Variants in RIMS1 observed in about 807,000 individuals in gnomAD.
RIMS1 encodes regulating synaptic membrane exocytosis 1.
In RIMS1, 83 loss-of-function variants were observed where a neutral mutation model predicts 214.1. The ratio of observed to expected loss-of-function variants is 0.39; its 90% CI spans 0.32 to 0.47. The LOEUF (loss-of-function observed/expected upper bound fraction) is 0.47, where lower values mean the gene tolerates loss of function less well. Among genes scored for constraint, RIMS1 ranks in the 20% least tolerant of loss-of-function variants. The pLI is 0.99. For missense variants in RIMS1, 2,050 were observed against 2,161.8 expected, an observed-to-expected ratio of 0.95 and a Z score of 1.03; for synonymous variants, 793 against 786.8, an observed-to-expected ratio of 1.01 and a Z score of -0.13.
intron 16 of RIMS1, among the ~76,000 whole-genome samples, chr6:72,253,651 C>T (rs2074456261): frequency 6.6e-6 from 1 of 151,692 alleles, no homozygotes; most frequent in Admixed American, 6.6e-5. Flanking sequence ...TATATATATG[C>T]CCTTGATATA....
Position 72,059,417 on chromosome 6 carries a change from C to T in RIMS1, c.246-37532C>T, listed in dbSNP as rs145630866. On this transcript the variant is annotated intron_variant, in intron 2 of 33. Coordinates refer to ENST00000521978, the MANE Select transcript of RIMS1 (RefSeq NM_014989.7). Reference sequence around the variant, plus strand: ...TAATTTTTTAAACTTTTTGTTGAGACGGGGTTTTGCCATGTTGCCTAGGCT... The same window carrying T: ...TAATTTTTTAAACTTTTTGTTGAGATGGGGTTTTGCCATGTTGCCTAGGCT... Among the ~76,000 whole-genome samples, 312 of 152,134 alleles carry T rather than the reference C, an allele frequency of 2.1e-3. 1 individual carries two copies. Among genetic ancestry groups the T allele is most frequent in the Middle Eastern group, 6.8e-3 (2 of 294 alleles).
chr6:71,961,006 A>G (rs376392732), intron 1 of RIMS1, among the ~76,000 whole-genome samples: 63 of 152,264 alleles, frequency 4.1e-4, no homozygotes, highest in African/African-American at 1.5e-3. Flanking sequence ...TTAGTGAATG[A>G]TAGGTGGAAA....
intron 1 of RIMS1, among the ~76,000 whole-genome samples, chr6:71,957,811 G>A (rs72932163): frequency 0.015 from 2,289 of 148,518 alleles, 45 homozygotes; most frequent in Non-Finnish European, 0.025. Flanking sequence ...GAGAAAAAGA[G>A]TCAGCCTTTA....
chr6:72,331,492 T>A (rs1302537685), intron 28 of RIMS1, among the ~76,000 whole-genome samples: 1 of 151,778 alleles, frequency 6.6e-6, no homozygotes, highest in Non-Finnish European at 1.5e-5. Flanking sequence ...ATTGACCAAA[T>A]CCTGACATTT....
chr6:72,277,346 C>T (rs2087001859), intron 23 of RIMS1, among the ~76,000 whole-genome samples: 1 of 152,118 alleles, frequency 6.6e-6, no homozygotes, highest in South Asian at 2.1e-4. Context: ...CTTTGGGAGG[C>T]CGAGGCGGGC....
chr6:72,323,784 A>G (rs901993093), intron 28 of RIMS1, among the ~76,000 whole-genome samples: 1 of 151,976 alleles, frequency 6.6e-6, no homozygotes, highest in Non-Finnish European at 1.5e-5. Context: ...ATCAAAGTAC[A>G]GAAAACTAAA....
chr6:72,243,266 A>G (rs922151559), intron 10 of RIMS1, among the ~76,000 whole-genome samples: 2 of 151,652 alleles, frequency 1.3e-5, no homozygotes, highest in South Asian at 4.1e-4. Context: ...TTTAATTTGT[A>G]TCGGCCTCAT....
intron 6 of RIMS1, among the ~76,000 whole-genome samples, chr6:72,193,497 T>C (rs1294597300): frequency 6.6e-6 from 1 of 152,234 alleles, no homozygotes; most frequent in African/African-American, 2.4e-5. Flanking sequence ...CACTGTAGCA[T>C]GGAGATTTGC....
intron 31 of RIMS1, among the ~76,000 whole-genome samples, chr6:72,393,041 A>C (rs1275615520): frequency 8.6e-5 from 13 of 151,840 alleles, no homozygotes; most frequent in Admixed American, 8.5e-4. Flanking sequence ...AAACCCTGAT[A>C]TAATAGATGT....
chr6:72,353,661 C>T (rs1007059566), intron 29 of RIMS1, among the ~76,000 whole-genome samples: 4 of 152,196 alleles, frequency 2.6e-5, no homozygotes, highest in East Asian at 1.9e-4. Context: ...GAAGTGGTCA[C>T]GTCACAAAGC....
At chr6:72,083,721 T>C (rs1833975513) in intron 2 of RIMS1, among the ~76,000 whole-genome samples, 1 of 152,194 alleles carries the variant, frequency 6.6e-6, no homozygotes, top group Non-Finnish European at 1.5e-5. Flanking sequence ...CTACACACGG[T>C]GCTAAGCACT....
chr6:72,305,389 C>T (rs1012792613), intron 26 of RIMS1, among the ~76,000 whole-genome samples: 1 of 152,070 alleles, frequency 6.6e-6, no homozygotes, highest in Non-Finnish European at 1.5e-5. Flanking sequence ...AATAGTTAAG[C>T]TAACACCATT....
chr6:71,886,884 TGCCGCC>T lies in RIMS1; in HGVS notation c.-131_-126del. On this transcript the variant is annotated 5_prime_UTR_variant, in exon 1 of 34. Transcript: ENST00000521978. ...TCCCCGGCTCTGCTGCTGCTGCTGC[TGCCGCC>T]GCCGCCGCTGCTCCTCCTCCTGCCG... The T allele has an allele frequency of 2.3e-6, 2 of 869,416 alleles. No homozygotes were observed. Among genetic ancestry groups the T allele is most frequent in the Non-Finnish European group, 3.6e-6 (2 of 561,086 alleles). 53.9% of individuals were successfully genotyped at this position (869,416 alleles called of 1,614,324 possible). A position where few individuals can be genotyped will look rare whatever the true frequency, so the allele number is the denominator to read the frequency against.
At chr6:72,344,091 A>G (rs1208598557) in intron 29 of RIMS1, among the ~76,000 whole-genome samples, 1 of 151,720 alleles carries the variant, frequency 6.6e-6, no homozygotes, top group Non-Finnish European at 1.5e-5. Flanking sequence ...AAAATATTAA[A>G]TCTCCTTCTG....
chr6:72,372,713 G>T (rs1290132719), intron 29 of RIMS1, among the ~76,000 whole-genome samples: 1 of 152,200 alleles, frequency 6.6e-6, no homozygotes, highest in East Asian at 1.9e-4. Flanking sequence ...ACTAAAAGTG[G>T]TTTCTCTGGA....
intron 6 of RIMS1, chr6:72,216,956 C>G: frequency 7.4e-7 from 1 of 1,352,872 alleles, no homozygotes; most frequent in Admixed American, 3.2e-5. Flanking sequence ...CTGCAGAGAT[C>G]TGTTTTGATG....
chr6:72,194,651 A>G (rs2050589704), intron 6 of RIMS1, among the ~76,000 whole-genome samples: 1 of 152,170 alleles, frequency 6.6e-6, no homozygotes, highest in African/African-American at 2.4e-5. Context: ...TTGCTGTCTC[A>G]CAAAACCAAA....
intron 2 of RIMS1, among the ~76,000 whole-genome samples, chr6:72,032,402 G>A (rs1238503696): frequency 6.6e-6 from 1 of 152,076 alleles, no homozygotes; most frequent in Non-Finnish European, 1.5e-5. Flanking sequence ...ACATTATACT[G>A]ATATATATGG....
In RIMS1 at chr6:72,134,219, G is replaced by A. The variant is rs1002243514; in HGVS notation, c.471+34233G>A. ...TAATTTATTCATCAGGTTCCTGGTTGTTTATAGGGTAATGTTTAAGCCTTA... is the reference window on the plus strand; with the variant it reads ...TAATTTATTCATCAGGTTCCTGGTTATTTATAGGGTAATGTTTAAGCCTTA... On this transcript the variant is annotated intron_variant, in intron 4 of 33. Transcript: ENST00000521978. 1.3e-4 allele frequency among the ~76,000 whole-genome samples: 20 copies of A among 152,078 alleles called. 1 individual carries two copies. Among genetic ancestry groups the A allele is most frequent in the African/African-American group, 4.8e-4 (20 of 41,520 alleles).
Sources: gnomAD v4.1 joint callset for allele counts (sites outside exome capture counted in the v4.1 genomes callset) on GRCh38, gnomAD v4.1.1 for gene constraint, MANE v1.5 for transcripts, NCBI Gene and HGNC (gene_info 2026-07-23, HGNC 2026-07-21) for gene names.